The following ZNF407 variants were observed in gnomAD, a reference collection of about 807,000 sequenced individuals.
ZNF407 encodes the protein zinc finger protein 407.
ZNF407 carries 17 observed loss-of-function variants against 131.2 expected under a neutral mutation model. The observed-to-expected ratio is 0.13, with a 90% CI of 0.09 to 0.19. The LOEUF (loss-of-function observed/expected upper bound fraction) is 0.19. ZNF407 is among the 10% of genes least tolerant of loss of function. The pLI is 1.00. For synonymous variants in ZNF407, 1,156 were observed against 1,062.0 expected, an observed-to-expected ratio of 1.09 and a Z score of -1.72; for missense variants, 2,681 against 2,830.6, an observed-to-expected ratio of 0.95 and a Z score of 1.20.
intron 8 of ZNF407, among the ~76,000 whole-genome samples, chr18:74,966,126 T>G (rs1972406735): frequency 6.6e-6 from 1 of 152,226 alleles, no homozygotes; most frequent in South Asian, 2.1e-4. Context: ...TGCTTCACTT[T>G]GTTGATTGTT....
At chr18:74,846,122 A>G (rs4891197) in intron 4 of ZNF407, among the ~76,000 whole-genome samples, 119,417 of 152,148 alleles carry the variant, frequency 0.78, 49,092 homozygotes, top group Non-Finnish European at 0.9. Flanking sequence ...CTAGTGAATC[A>G]GGAGGAAATG....
intron 8 of ZNF407, among the ~76,000 whole-genome samples, chr18:75,001,295 G>T (rs927670364): frequency 1.3e-4 from 20 of 152,158 alleles, no homozygotes; most frequent in African/African-American, 4.6e-4. Flanking sequence ...ATTATAAATA[G>T]AATGATATCT....
At chr18:74,903,644 A>C (rs1183986316) in intron 7 of ZNF407, among the ~76,000 whole-genome samples, 2 of 152,218 alleles carry the variant, frequency 1.3e-5, no homozygotes, top group East Asian at 3.9e-4. Flanking sequence ...TGGAAAGAAT[A>C]AAACTTTTCC....
intron 3 of ZNF407, among the ~76,000 whole-genome samples, chr18:74,779,337 A>G (rs1969551167): frequency 6.6e-6 from 1 of 151,108 alleles, no homozygotes; most frequent in South Asian, 2.1e-4. Context: ...GATGGTCTCA[A>G]TCTCCCGACC....
At chr18:74,952,841 G>A (rs917002781) in intron 8 of ZNF407, among the ~76,000 whole-genome samples, 8 of 152,198 alleles carry the variant, frequency 5.3e-5, no homozygotes, top group African/African-American at 1.9e-4. Flanking sequence ...TCTGAATGAA[G>A]GGAAGGCCAG....
intron 4 of ZNF407, among the ~76,000 whole-genome samples, chr18:74,809,539 T>G (rs1970163712): frequency 6.6e-6 from 1 of 152,176 alleles, no homozygotes; most frequent in African/African-American, 2.4e-5. Flanking sequence ...TGGAGCAAGG[T>G]AGATGATGGG....
intron 6 of ZNF407, among the ~76,000 whole-genome samples, chr18:74,884,206 T>A (rs1203073816): frequency 6.6e-6 from 1 of 152,214 alleles, no homozygotes; most frequent in East Asian, 1.9e-4. Context: ...TATTTCAAAT[T>A]TGTGATATTT....
chr18:74,752,180 C>G (rs188837532), intron 3 of ZNF407, among the ~76,000 whole-genome samples: 2 of 151,700 alleles, frequency 1.3e-5, no homozygotes, highest in African/African-American at 4.8e-5. Context: ...TTTTTTGAGA[C>G]GTTTCTCTTC....
At chr18:74,624,613 A>C (rs1262682501) in intron 1 of ZNF407, among the ~76,000 whole-genome samples, 1 of 152,116 alleles carries the variant, frequency 6.6e-6, no homozygotes, top group African/African-American at 2.4e-5. Context: ...GTGACTCCCT[A>C]CTGGCACCAA....
chr18:74,758,868 C>T (rs951241383), intron 3 of ZNF407, among the ~76,000 whole-genome samples: 5 of 152,190 alleles, frequency 3.3e-5, no homozygotes, highest in South Asian at 4.1e-4. Flanking sequence ...GCATGAGTCA[C>T]TATGCCTGGC....
chr18:74,666,418 C>T (rs538556901), intron 3 of ZNF407, among the ~76,000 whole-genome samples: 2 of 152,252 alleles, frequency 1.3e-5, no homozygotes, highest in East Asian at 3.9e-4. Context: ...CTTGTGGTGA[C>T]GAAAGCCTTA....
At chr18:74,691,546 T>G (rs1967223362) in intron 3 of ZNF407, among the ~76,000 whole-genome samples, 2 of 152,028 alleles carry the variant, frequency 1.3e-5, no homozygotes, top group African/African-American at 4.8e-5. Context: ...ATTTTAAATT[T>G]TATTGATTTG....
intron 4 of ZNF407, among the ~76,000 whole-genome samples, chr18:74,865,169 T>C (rs1479946231): frequency 6.6e-6 from 1 of 152,188 alleles, no homozygotes; most frequent in Non-Finnish European, 1.5e-5. Context: ...CTGACCCTGG[T>C]GTCACTTTCA....
chr18:74,953,995 T>C (rs1972247426), intron 8 of ZNF407, among the ~76,000 whole-genome samples: 1 of 152,158 alleles, frequency 6.6e-6, no homozygotes, highest in Non-Finnish European at 1.5e-5. Context: ...TGCATGTGCG[T>C]GCACGTGGAC....
chr18:74,634,049 T>G lies in ZNF407; in HGVS notation c.3030T>G (p.Asp1010Glu). Reference protein sequence around the residue: ...AQPGDVYSQRDVTGTGENKCL... With the variant: ...AQPGDVYSQREVTGTGENKCL... Reference sequence around the variant, plus strand: ...CGGGGGATGTGTACTCCCAGAGAGATGTTACAGGCACAGGTGAGAATAAGT... The same window carrying G: ...CGGGGGATGTGTACTCCCAGAGAGAGGTTACAGGCACAGGTGAGAATAAGT... Residue 1010 changes from aspartate to glutamate, a missense_variant, in exon 2 of 9, where the codon GAT (aspartate) becomes GAG (glutamate). Physicochemically the swap from Asp to Glu is conservative, Grantham distance 45. This residue lies in a region of ZNF407 where 1,789 missense variants were observed against 1,748.7 expected (regional missense o/e 1.02). Coordinates refer to ENST00000299687, the MANE Select transcript of ZNF407 (RefSeq NM_017757.3). 6.2e-7 allele frequency: 1 copy of G among 1,614,022 alleles called. No individual in the cohort carries two copies. The highest frequency in any genetic ancestry group is 8.5e-7 in the Non-Finnish European group (1 of 1,179,896).
intron 4 of ZNF407, among the ~76,000 whole-genome samples, chr18:74,823,438 C>A (rs1328935189): frequency 6.6e-6 from 1 of 152,108 alleles, no homozygotes; most frequent in African/African-American, 2.4e-5. Flanking sequence ...AGAGTCAAGA[C>A]CCATTGGTGT....
intron 8 of ZNF407, among the ~76,000 whole-genome samples, chr18:74,955,180 G>A (rs1310898446): frequency 3.3e-5 from 5 of 152,166 alleles, no homozygotes; most frequent in African/African-American, 7.2e-5. Context: ...CTGAGCTGCA[G>A]AAGTTGTGGG....
intron 3 of ZNF407, among the ~76,000 whole-genome samples, chr18:74,663,776 A>AT (rs1985814476): frequency 6.6e-6 from 1 of 152,178 alleles, no homozygotes; most frequent in African/African-American, 2.4e-5. Context: ...CTATTGAGAG[A>AT]TTTTAGAGAG....
At chr18:74,642,380 C>G (rs1226880934) in intron 3 of ZNF407, among the ~76,000 whole-genome samples, 5 of 152,100 alleles carry the variant, frequency 3.3e-5, no homozygotes, top group Non-Finnish European at 1.5e-5. Flanking sequence ...GATATCTCAT[C>G]TATTGTTTTT....
Sources: allele counts gnomAD v4.1 joint callset (sites outside exome capture counted in the v4.1 genomes callset), GRCh38; gene constraint gnomAD v4.1.1; regional missense constraint gnomAD v4.1.1; transcripts MANE v1.5; gene names NCBI Gene and HGNC (gene_info 2026-07-23, HGNC 2026-07-21).